Variants in PPP2R5E observed in about 807,000 individuals in gnomAD.
The protein encoded by PPP2R5E is serine/threonine-protein phosphatase 2A 56 kDa regulatory subunit epsilon isoform.
Under a neutral mutation model 65.3 loss-of-function variants are expected in PPP2R5E, and 4 were observed. The observed-to-expected ratio is 0.06, with a 90% confidence interval of 0.03 to 0.14. The LOEUF (loss-of-function observed/expected upper bound fraction) is 0.14, where lower values mean the gene tolerates loss of function less well. Among genes scored for constraint, PPP2R5E ranks in the 10% least tolerant of loss-of-function variants. The pLI is 1.00. For missense variants in PPP2R5E, 274 were observed against 556.1 expected (o/e 0.49, Z 5.10); for synonymous variants, 183 against 187.4 (o/e 0.98, Z 0.19).
chr14:63,511,347 TG>T (rs1200597215), intron 2 of PPP2R5E, among the ~76,000 whole-genome samples: 1 of 152,164 alleles, frequency 6.6e-6, no homozygotes, highest in Non-Finnish European at 1.5e-5. Context: ...TGCTGGATGA[TG>T]AGACTCACAA....
At chr14:63,436,796 T>C (rs1422604697) in intron 3 of PPP2R5E, among the ~76,000 whole-genome samples, 3 of 152,208 alleles carry the variant, frequency 2.0e-5, no homozygotes, top group African/African-American at 7.2e-5. Flanking sequence ...TAAGCTTACA[T>C]TTTAAATGTG....
At chr14:63,448,959 G>GA (rs1184864620) in intron 3 of PPP2R5E, among the ~76,000 whole-genome samples, 1 of 152,140 alleles carries the variant, frequency 6.6e-6, no homozygotes, top group Non-Finnish European at 1.5e-5. Context: ...ACAACACATA[G>GA]ATTACTTTTA....
At chr14:63,391,577 C>T (rs1439826727) in intron 10 of PPP2R5E, among the ~76,000 whole-genome samples, 2 of 152,190 alleles carry the variant, frequency 1.3e-5, no homozygotes, top group African/African-American at 2.4e-5. Flanking sequence ...GCATGCGCCA[C>T]CACGCCTGGC....
At chr14:63,439,892 G>A in intron 3 of PPP2R5E, among the ~76,000 whole-genome samples, 1 of 152,182 alleles carries the variant, frequency 6.6e-6, no homozygotes, top group Non-Finnish European at 1.5e-5. Context: ...AGGGAGAGAA[G>A]GCACAGTTCA....
In PPP2R5E at chr14:63,462,073, A is replaced by AT. The variant is rs10717359; in HGVS notation, c.158-8189dup. 1.9e-3 allele frequency among the ~76,000 whole-genome samples: 278 copies of AT among 144,716 alleles called. 1 individual carries two copies. Among genetic ancestry groups the AT allele is most frequent in the African/African-American group, 2.3e-3 (92 of 39,948 alleles). 94.9% of individuals were successfully genotyped at this position (144,716 alleles called of 152,430 possible). A position where few individuals can be genotyped will look rare whatever the true frequency, so the allele number is the denominator to read the frequency against. On this transcript the variant is annotated intron_variant, in intron 2 of 13. Coordinates refer to ENST00000337537, the MANE Select transcript of PPP2R5E (RefSeq NM_006246.5). ...TAATGACAGTACCGATTTCAACTGT[A>AT]TTTTTTTTTTTTTTTTAGACGGAGT... is the stretch of plus-strand genomic sequence containing the variant.
At chr14:63,466,602 T>C (rs1291289699) in intron 2 of PPP2R5E, among the ~76,000 whole-genome samples, 1 of 152,152 alleles carries the variant, frequency 6.6e-6, no homozygotes, top group Non-Finnish European at 1.5e-5. Context: ...TAAGTCCACA[T>C]AGAACAGTTG....
chr14:63,504,698 GA>G lies in PPP2R5E; in HGVS notation c.157+34830del, dbSNP rs141752297. 7.3e-3 allele frequency among the ~76,000 whole-genome samples: 1,117 copies of G among 152,250 alleles called. 9 individuals are homozygous for G. Among genetic ancestry groups the G allele is most frequent in the African/African-American group, 0.025 (1,053 of 41,540 alleles). ...AAGGCTTACAGTCTAACTGGGGAGA[GA>G]AAACCTATACCCATGAAAAGCAATG... is the stretch of plus-strand genomic sequence containing the variant. On this transcript the variant is annotated intron_variant, in intron 2 of 13. Coordinates refer to ENST00000337537, the MANE Select transcript of PPP2R5E (RefSeq NM_006246.5).
intron 2 of PPP2R5E, among the ~76,000 whole-genome samples, chr14:63,533,963 A>C (rs181443548): frequency 6.6e-6 from 1 of 152,310 alleles, no homozygotes; most frequent in Admixed American, 6.5e-5. Flanking sequence ...ACAAACAAAC[A>C]AAAGAAATAA....
intron 2 of PPP2R5E, among the ~76,000 whole-genome samples, chr14:63,481,590 A>T (rs988054769): frequency 7.3e-5 from 11 of 151,444 alleles, no homozygotes; most frequent in African/African-American, 1.2e-4. Flanking sequence ...TATTTAATTT[A>T]AAAAAAGCCA....
At position 63,375,194 on chromosome 14, in the gene PPP2R5E, T is replaced by C. The variant is rs1313293190; in HGVS notation, c.*815A>G. 5.2e-5 allele frequency: 8 copies of C among 152,574 alleles called. No homozygotes were observed. The highest frequency in any genetic ancestry group is 5.2e-4 in the Admixed American group (8 of 15,274). 9.5% of individuals were successfully genotyped at this position (152,574 alleles called of 1,614,324 possible). A position where few individuals can be genotyped will look rare whatever the true frequency, so the allele number is the denominator to read the frequency against. ...TCTCACATTTCTAAAACATCTCTGG[T>C]ATGTGTGTTCAATGATATATGCAAC... On this transcript the variant is annotated 3_prime_UTR_variant, in exon 14 of 14. Transcript: ENST00000337537.
intron 2 of PPP2R5E, among the ~76,000 whole-genome samples, chr14:63,497,575 C>T (rs1891632787): frequency 6.6e-6 from 1 of 151,004 alleles, no homozygotes. Context: ...ATGGTGAAAC[C>T]CGTCTCTACA....
At chr14:63,445,615 C>T (rs906378500) in intron 3 of PPP2R5E, among the ~76,000 whole-genome samples, 6 of 152,048 alleles carry the variant, frequency 3.9e-5, no homozygotes, top group African/African-American at 1.4e-4. Flanking sequence ...GAAGCTGAGG[C>T]GGGCAGATCA....
At chr14:63,416,251 T>G (rs1234859815) in intron 4 of PPP2R5E, among the ~76,000 whole-genome samples, 2 of 152,210 alleles carry the variant, frequency 1.3e-5, no homozygotes, top group Non-Finnish European at 2.9e-5. Flanking sequence ...GCCCAGGAGT[T>G]TGAGTCAAGC....
chr14:63,373,695 C>T lies in PPP2R5E; in HGVS notation c.*2314G>A, dbSNP rs1220273939. The stretch of plus-strand genomic sequence containing the variant: ...TTACTCTTGAAGACAGGGTAAGGTA[C>T]AAAAAAGGATCCTGGCCTTTCTCAT... On this transcript the variant is annotated 3_prime_UTR_variant, in exon 14 of 14. Coordinates refer to ENST00000337537, the MANE Select transcript of PPP2R5E (RefSeq NM_006246.5). The T allele has an allele frequency of 2.0e-5, 3 of 152,038 alleles. No homozygotes were observed. The highest frequency in any genetic ancestry group is 4.4e-5 in the Non-Finnish European group (3 of 68,008). The allele number at this position is 152,038 out of a possible 1,614,324, so 9.4% of individuals were successfully genotyped here. A position where few individuals can be genotyped will look rare whatever the true frequency, so the allele number is the denominator to read the frequency against.
intron 2 of PPP2R5E, among the ~76,000 whole-genome samples, chr14:63,469,421 G>C (rs535624269): frequency 6.6e-6 from 1 of 152,310 alleles, no homozygotes; most frequent in East Asian, 1.9e-4. Context: ...GGCCGGGCGC[G>C]GTGGCTCACG....
chr14:63,501,385 A>G (rs1481318180), intron 2 of PPP2R5E, among the ~76,000 whole-genome samples: 1 of 150,666 alleles, frequency 6.6e-6, no homozygotes, highest in Non-Finnish European at 1.5e-5. Flanking sequence ...AGCCTGGGCG[A>G]CAGAGCAAGA....
At chr14:63,449,986 T>C (rs10138832) in intron 3 of PPP2R5E, among the ~76,000 whole-genome samples, 50,005 of 150,598 alleles carry the variant, frequency 0.33, 11,033 homozygotes, top group African/African-American at 0.63. Flanking sequence ...AGCGATTCTC[T>C]TGCCTCAGCC....
chr14:63,413,251 T>C (rs756466259), intron 5 of PPP2R5E, among the ~76,000 whole-genome samples: 1 of 152,250 alleles, frequency 6.6e-6, no homozygotes, highest in Non-Finnish European at 1.5e-5. Context: ...AGAAAAGCAC[T>C]GGCTTCATAG....
In PPP2R5E at chr14:63,393,867, A is replaced by G; in HGVS notation, c.802T>C (p.Leu268=). ...AEHKQFLVKV[L]IPLHTVRSLS... is the part of the protein sequence containing the mutation. ...CTCCTGACAGTGTGTAAAGGGATCA[A>G]TACTTTCACCAGAAACTGTTTGTGT... The change falls in exon 8 of 14, where the codon TTG becomes CTG. Residue 268 remains leucine, a synonymous_variant. Coordinates refer to ENST00000337537, the MANE Select transcript of PPP2R5E (RefSeq NM_006246.5). 1 of 1,611,934 alleles carries G rather than the reference A, an allele frequency of 6.2e-7. No homozygotes were observed. Among genetic ancestry groups the G allele is most frequent in the African/African-American group, 1.3e-5 (1 of 75,016 alleles).
Sources: allele counts gnomAD v4.1 joint callset (sites outside exome capture counted in the v4.1 genomes callset), GRCh38; gene constraint gnomAD v4.1.1; transcripts MANE v1.5; gene names NCBI Gene and HGNC (gene_info 2026-07-23, HGNC 2026-07-21).